The following CNST variants were observed in gnomAD, a reference collection of about 807,000 sequenced individuals.
CNST encodes consortin, connexin sorting protein, also known as consortin.
CNST carries 39 observed loss-of-function variants against 72.4 expected under a neutral mutation model. The observed-to-expected ratio is 0.54, with a 90% CI of 0.42 to 0.70. CNST has a LOEUF of 0.70. Among genes scored for constraint, CNST ranks in the 30% least tolerant of loss-of-function variants. The pLI is 0.00. For missense variants in CNST, 871 were observed against 868.5 expected, an observed-to-expected ratio of 1.00 and a Z score of -0.04; for synonymous variants, 332 against 320.1, an observed-to-expected ratio of 1.04 and a Z score of -0.40.
At chr1:246,598,149 AT>A (rs56847805) in intron 2 of CNST, among the ~76,000 whole-genome samples, 96,211 of 135,526 alleles carry the variant, frequency 0.71, 35,870 homozygotes, top group East Asian at 0.88. Flanking sequence ...GCTCAGCTGA[AT>A]TTTTTTTTTT....
chr1:246,567,602 C>G (rs1333732076), intron 1 of CNST, among the ~76,000 whole-genome samples: 1 of 152,152 alleles, frequency 6.6e-6, no homozygotes, highest in Non-Finnish European at 1.5e-5. Context: ...AGCAAATAGT[C>G]TGAAGATTAT....
intron 9 of CNST, among the ~76,000 whole-genome samples, chr1:246,651,436 G>A (rs1666441970): frequency 6.6e-6 from 1 of 152,048 alleles, no homozygotes; most frequent in African/African-American, 2.4e-5. Context: ...CCTCTTGTCT[G>A]TCTGCTTTCA....
At chr1:246,605,044 GAGAAAATCATATACTTGTA>G (rs1416191909) in intron 2 of CNST, among the ~76,000 whole-genome samples, 11 of 152,098 alleles carry the variant, frequency 7.2e-5, no homozygotes, top group Admixed American at 3.9e-4. Flanking sequence ...TCAGACATAC[GAGAAAATCATATACTTGTA>G]AGAAAATCAT....
At chr1:246,612,254 T>A (rs559236296) in intron 2 of CNST, among the ~76,000 whole-genome samples, 1 of 152,354 alleles carries the variant, frequency 6.6e-6, no homozygotes, top group South Asian at 2.1e-4. Context: ...CAGACTAGAG[T>A]GCAGTGGCAC....
At chr1:246,601,468 C>T (rs778083220) in intron 2 of CNST, among the ~76,000 whole-genome samples, 7 of 151,942 alleles carry the variant, frequency 4.6e-5, no homozygotes, top group Non-Finnish European at 1.0e-4. Flanking sequence ...CCTCCTAGAC[C>T]CCTGGTGGAG....
At chr1:246,615,324 T>C (rs954930310) in intron 2 of CNST, among the ~76,000 whole-genome samples, 54 of 152,088 alleles carry the variant, frequency 3.6e-4, no homozygotes, top group Admixed American at 2.5e-3. Context: ...TACAGGCGCG[T>C]GCCACCAGGC....
chr1:246,578,627 T>C lies in CNST; in HGVS notation c.-52+11964T>C, dbSNP rs1238225480. Among the ~76,000 whole-genome samples, 4 of 151,786 alleles carry C rather than the reference T, an allele frequency of 2.6e-5. No homozygotes were observed. The East Asian group carries it at 5.8e-4, about 22-fold the overall frequency. On this transcript the variant is annotated intron_variant, in intron 1 of 10. Transcript: ENST00000366513. ...CGGAGGTTGCAGTGAGCCAATATCG[T>C]GCCACTGCACTCCAGCCTAGGCAAC...
At chr1:246,640,846 C>T (rs1665637353) in intron 6 of CNST, among the ~76,000 whole-genome samples, 1 of 152,072 alleles carries the variant, frequency 6.6e-6, no homozygotes, top group Non-Finnish European at 1.5e-5. Context: ...AAAATATTTT[C>T]AAGTTACACA....
intron 2 of CNST, among the ~76,000 whole-genome samples, chr1:246,615,161 T>C (rs923389570): frequency 6.6e-6 from 1 of 152,082 alleles, no homozygotes; most frequent in Non-Finnish European, 1.5e-5. Context: ...CTTTGGCCCA[T>C]GGTTATTACA....
chr1:246,629,621 G>A (rs1170112708), intron 3 of CNST, among the ~76,000 whole-genome samples: 1 of 152,214 alleles, frequency 6.6e-6, no homozygotes, highest in Non-Finnish European at 1.5e-5. Context: ...GCTTTGAAGA[G>A]CCAGACATTT....
At chr1:246,607,619 C>T (rs1474800605) in intron 2 of CNST, 3 of 152,462 alleles carry the variant, frequency 2.0e-5, no homozygotes, top group South Asian at 2.1e-4. Flanking sequence ...AGGAAGTGTC[C>T]CTGTCTGACG....
chr1:246,656,988 G>C (rs1296987105), intron 9 of CNST, among the ~76,000 whole-genome samples: 1 of 152,094 alleles, frequency 6.6e-6, no homozygotes, highest in Non-Finnish European at 1.5e-5. Flanking sequence ...ATTGCTCTAT[G>C]CCCTAAATCA....
intron 8 of CNST, among the ~76,000 whole-genome samples, chr1:246,644,895 A>G (rs1665945824): frequency 6.6e-6 from 1 of 152,218 alleles, no homozygotes; most frequent in South Asian, 2.1e-4. Context: ...ACCTTGCCCC[A>G]TTTTAACAGA....
chr1:246,592,598 TTC>T (rs1661615036), intron 2 of CNST, among the ~76,000 whole-genome samples: 1 of 152,252 alleles, frequency 6.6e-6, no homozygotes, highest in South Asian at 2.1e-4. Flanking sequence ...TTAGACCATT[TTC>T]TACCAATATC....
intron 10 of CNST, among the ~76,000 whole-genome samples, chr1:246,663,980 C>T (rs1303678235): frequency 6.6e-6 from 1 of 152,068 alleles, no homozygotes; most frequent in Non-Finnish European, 1.5e-5. Context: ...TCATGTATTA[C>T]TGCACAATGT....
chr1:246,641,440 T>C (rs1258907846), intron 6 of CNST, among the ~76,000 whole-genome samples: 3 of 152,212 alleles, frequency 2.0e-5, no homozygotes, highest in Non-Finnish European at 4.4e-5. Flanking sequence ...TTAAAATATG[T>C]GTGTGTGAAA....
chr1:246,625,037 C>T (rs1664326484), intron 3 of CNST, among the ~76,000 whole-genome samples: 1 of 152,156 alleles, frequency 6.6e-6, no homozygotes, highest in Admixed American at 6.5e-5. Flanking sequence ...TGACACTTCA[C>T]CCCTAAATAT....
chr1:246,591,798 G>A lies in CNST; in HGVS notation c.236G>A (p.Cys79Tyr). ...LNNNESCTLSCEVAAGENLQN... is the reference protein window; with the variant it reads ...LNNNESCTLSYEVAAGENLQN... ...AATAATGAAAGCTGCACATTGAGCT[G>A]CGAGGTGGCTGCAGGTGAGAACTTG... is the stretch of plus-strand genomic sequence containing the variant. The change falls in exon 2 of 11, where the codon TGC (cysteine) becomes TAC (tyrosine). Residue 79 changes from cysteine to tyrosine, a missense_variant. By Grantham distance (194) the Cys-to-Tyr change is radical (BLOSUM62 -2). Transcript: ENST00000366513. 1 of 1,614,064 alleles carries A rather than the reference G, an allele frequency of 6.2e-7. No homozygotes were observed. The highest frequency in any genetic ancestry group is 8.5e-7 in the Non-Finnish European group (1 of 1,179,976).
intron 1 of CNST, among the ~76,000 whole-genome samples, chr1:246,567,583 G>A (rs1659797690): frequency 6.6e-6 from 1 of 152,142 alleles, no homozygotes; most frequent in African/African-American, 2.4e-5. Context: ...CCTAAGGAAT[G>A]TATCACCCAG....
Sources: gnomAD v4.1 joint callset for allele counts (sites outside exome capture counted in the v4.1 genomes callset) on GRCh38, gnomAD v4.1.1 for gene constraint, MANE v1.5 for transcripts, NCBI Gene and HGNC (gene_info 2026-07-23, HGNC 2026-07-21) for gene names.